Variants in PPP1R12A observed in about 807,000 individuals in gnomAD.
The protein encoded by PPP1R12A is protein phosphatase 1 regulatory subunit 12A.
A neutral mutation model predicts 139.6 loss-of-function variants in PPP1R12A; 19 were observed. The observed-to-expected ratio is 0.14, with a 90% CI of 0.09 to 0.20. The LOEUF (loss-of-function observed/expected upper bound fraction) is 0.20, where lower values mean the gene tolerates loss of function less well. Among genes scored for constraint, PPP1R12A ranks in the 10% least tolerant of loss-of-function variants. The probability of loss-of-function intolerance (pLI) is 1.00; values close to 1 mark genes in which losing one functional copy is unlikely to be tolerated. For synonymous variants in PPP1R12A, 427 were observed against 420.6 expected (o/e 1.02, Z -0.19); for missense variants, 925 against 1,211.5 (o/e 0.76, Z 3.51).
chr12:79,902,508 A>C (rs894968537), intron 1 of PPP1R12A, among the ~76,000 whole-genome samples: 2 of 152,160 alleles, frequency 1.3e-5, no homozygotes, highest in Non-Finnish European at 2.9e-5. Context: ...ACAAACATTT[A>C]CCTCATAGAC....
intron 3 of PPP1R12A, among the ~76,000 whole-genome samples, chr12:79,833,582 T>C (rs750583900): frequency 6.6e-6 from 1 of 151,156 alleles, no homozygotes; most frequent in Non-Finnish European, 1.5e-5. Flanking sequence ...TCAAGCACTT[T>C]GAGAGGGTGA....
At chr12:79,788,886 T>G (rs1039667616) in intron 20 of PPP1R12A, 103 bp from the exon 21 acceptor site, 11 of 975,418 alleles carry the variant, frequency 1.1e-5, no homozygotes, top group Non-Finnish European at 1.5e-5. Flanking sequence ...AAAGAGTAGG[T>G]CACAGTCTCC....
At chr12:79,903,804 C>T (rs1885856289) in intron 1 of PPP1R12A, among the ~76,000 whole-genome samples, 1 of 152,078 alleles carries the variant, frequency 6.6e-6, no homozygotes, top group Non-Finnish European at 1.5e-5. Context: ...GAACTCACAG[C>T]TCTTCAAAAA....
chr12:79,799,032 A>G (rs1872782929), intron 14 of PPP1R12A, among the ~76,000 whole-genome samples: 1 of 152,198 alleles, frequency 6.6e-6, no homozygotes, highest in South Asian at 2.1e-4. Context: ...CCCAAAAGTG[A>G]TAATCTAAGC....
chr12:79,828,758 A>C (rs1877080857), intron 4 of PPP1R12A, among the ~76,000 whole-genome samples: 1 of 152,150 alleles, frequency 6.6e-6, no homozygotes, highest in Admixed American at 6.6e-5. Flanking sequence ...ATGACTTGTA[A>C]GTGAAATTTT....
chr12:79,882,874 C>T (rs1376720603), intron 1 of PPP1R12A, among the ~76,000 whole-genome samples: 3 of 152,128 alleles, frequency 2.0e-5, no homozygotes, highest in Non-Finnish European at 4.4e-5. Flanking sequence ...CGCGGTGGCT[C>T]ATGCCTGTAA....
intron 4 of PPP1R12A, 101 bp from the exon 5 acceptor site, chr12:79,828,565 A>C: frequency 1.1e-6 from 1 of 942,034 alleles, no homozygotes; most frequent in East Asian, 2.9e-5. Flanking sequence ...TTTTCAATTA[A>C]TTTCTTTTCA....
intron 1 of PPP1R12A, 115 bp downstream of exon 1, chr12:79,934,580 G>T: frequency 2.0e-6 from 2 of 996,398 alleles, no homozygotes; most frequent in Non-Finnish European, 2.8e-6. Context: ...TCACCCCGCA[G>T]CAGGGAGTCT....
intron 2 of PPP1R12A, among the ~76,000 whole-genome samples, chr12:79,862,085 G>A (rs1565783907): frequency 6.6e-6 from 1 of 152,190 alleles, no homozygotes; most frequent in East Asian, 1.9e-4. Context: ...CCTCATACAG[G>A]GGGGTGCCCT....
chr12:79,801,074 G>A (rs538901751), intron 14 of PPP1R12A, among the ~76,000 whole-genome samples: 11 of 150,908 alleles, frequency 7.3e-5, no homozygotes, highest in African/African-American at 1.5e-4. Flanking sequence ...GGCTGGGCGC[G>A]GTGGCTCATG....
rs1869534713 is a variant in PPP1R12A at position 79,774,524 on chromosome 12, T to C, written c.*1405A>G. The stretch of plus-strand genomic sequence containing the variant: ...TGTTCAGTGGTTAAGGAGACAGTTA[T>C]GTGCCAGAAAGATGTAGTATTTTTT... On this transcript the variant is annotated 3_prime_UTR_variant, in exon 25 of 25. Coordinates refer to ENST00000450142, the MANE Select transcript of PPP1R12A (RefSeq NM_002480.3). 6.6e-6 allele frequency: 1 copy of C among 152,532 alleles called. No homozygotes were observed. The highest frequency in any genetic ancestry group is 2.1e-4 in the South Asian group (1 of 4,834). The allele number at this position is 152,532 out of a possible 1,614,324, so 9.4% of individuals were successfully genotyped here. A position where few individuals can be genotyped will look rare whatever the true frequency, so the allele number is the denominator to read the frequency against.
chr12:79,906,624 T>TG (rs71091690), intron 1 of PPP1R12A, among the ~76,000 whole-genome samples: 68 of 151,972 alleles, frequency 4.5e-4, no homozygotes, highest in African/African-American at 1.5e-3. Context: ...TATGTATGTA[T>TG]TTATTTATTT....
At position 79,774,744 on chromosome 12, in the gene PPP1R12A, G is replaced by A. The variant is rs182323943; in HGVS notation, c.*1185C>T. The A allele has an allele frequency of 6.6e-6, 1 of 152,456 alleles. No individual in the cohort carries two copies. Among genetic ancestry groups the A allele is most frequent in the East Asian group, 1.9e-4 (1 of 5,172 alleles). 9.4% of individuals were successfully genotyped at this position (152,456 alleles called of 1,614,324 possible). A position where few individuals can be genotyped will look rare whatever the true frequency, so the allele number is the denominator to read the frequency against. On this transcript the variant is annotated 3_prime_UTR_variant, in exon 25 of 25. Transcript: ENST00000450142. ...AACAGTGCATTTAACATTAACTCACGGGTTAATTCTGCAAATGATTTCATA... is the reference window on the plus strand; with the variant it reads ...AACAGTGCATTTAACATTAACTCACAGGTTAATTCTGCAAATGATTTCATA...
chr12:79,822,054 T>C lies in PPP1R12A; in HGVS notation c.867+62A>G, dbSNP rs939230804. ...AAACATCACAAGAATACTTTTGTAA[T>C]TGTCTCAAATTCAAAATTATTAAGG... is the stretch of plus-strand genomic sequence containing the variant. On this transcript the variant is annotated intron_variant, in intron 6 of 24. Coordinates refer to ENST00000450142, the MANE Select transcript of PPP1R12A (RefSeq NM_002480.3). 2.0e-5 allele frequency: 24 copies of C among 1,173,408 alleles called. No homozygotes were observed. In the South Asian group the frequency reaches 2.3e-4, roughly 11 times the overall value. 72.7% of individuals were successfully genotyped at this position (1,173,408 alleles called of 1,614,324 possible). A position where few individuals can be genotyped will look rare whatever the true frequency, so the allele number is the denominator to read the frequency against.
rs759357367 is a variant in PPP1R12A at position 79,934,961 on chromosome 12, G to C, written c.-30C>G. On this transcript the variant is annotated 5_prime_UTR_variant, in exon 1 of 25. Transcript: ENST00000450142. Reference sequence around the variant, plus strand: ...TCTCCTGCCGCCGGGTCTTCTTATCGCGAGGGGGGGAAGGGGGAGGCGGAG... The same window carrying C: ...TCTCCTGCCGCCGGGTCTTCTTATCCCGAGGGGGGGAAGGGGGAGGCGGAG... 6.4e-7 allele frequency: 1 copy of C among 1,555,624 alleles called. No individual in the cohort carries two copies. The highest frequency in any genetic ancestry group is 8.7e-7 in the Non-Finnish European group (1 of 1,148,166).
At chr12:79,899,108 A>G (rs1395935803) in intron 1 of PPP1R12A, among the ~76,000 whole-genome samples, 1 of 152,046 alleles carries the variant, frequency 6.6e-6, no homozygotes, top group Non-Finnish European at 1.5e-5. Flanking sequence ...AAGTACCAAA[A>G]AAGTAAAACT....
At chr12:79,796,684 G>T in intron 17 of PPP1R12A, 98 bp downstream of exon 17, 1 of 960,774 alleles carries the variant, frequency 1.0e-6, no homozygotes. Flanking sequence ...TCACAAGTTA[G>T]GATGCTGTTC....
intron 1 of PPP1R12A, among the ~76,000 whole-genome samples, chr12:79,873,680 TA>T (rs902655605): frequency 2.6e-5 from 4 of 151,876 alleles, no homozygotes; most frequent in African/African-American, 9.7e-5. Context: ...AAGTGGTGGT[TA>T]GGGGGCAGCA....
intron 1 of PPP1R12A, among the ~76,000 whole-genome samples, chr12:79,887,685 G>T (rs1201771300): frequency 6.6e-6 from 1 of 152,006 alleles, no homozygotes; most frequent in Non-Finnish European, 1.5e-5. Flanking sequence ...AGCTAGAGGG[G>T]TTTAATCAAT....
Sources: gnomAD v4.1 joint callset for allele counts (sites outside exome capture counted in the v4.1 genomes callset) on GRCh38, gnomAD v4.1.1 for gene constraint, MANE v1.5 for transcripts, NCBI Gene and HGNC (gene_info 2026-07-23, HGNC 2026-07-21) for gene names.